Variants in SYT16 observed in about 807,000 individuals in gnomAD.
SYT16 encodes the protein synaptotagmin-16.
Under a neutral mutation model 61.4 loss-of-function variants are expected in SYT16, and 42 were observed. That is an observed-to-expected ratio of 0.68 (90% confidence interval 0.53 to 0.89). The LOEUF is 0.89. SYT16 is among the 40% of genes least tolerant of loss of function. SYT16 has a pLI of 0.00. For synonymous variants in SYT16, 314 were observed against 302.3 expected (o/e 1.04, Z -0.40); for missense variants, 804 against 807.3 (o/e 1.00, Z 0.05).
At chr14:61,983,357 T>A (rs1445678611) in intron 2 of SYT16, among the ~76,000 whole-genome samples, 2 of 152,188 alleles carry the variant, frequency 1.3e-5, no homozygotes, top group Non-Finnish European at 2.9e-5. Context: ...CAAGCTTGTG[T>A]TATTTTGGGC....
In SYT16 at chr14:61,972,940, CA is replaced by C. The variant is rs1403598084; in HGVS notation, c.-145+2631del. Among the ~76,000 whole-genome samples, 8 of 152,314 alleles carry C rather than the reference CA, an allele frequency of 5.3e-5. No individual in the cohort carries two copies. In the South Asian group the frequency reaches 1.7e-3, roughly 32 times the overall value. On this transcript the variant is annotated intron_variant, in intron 2 of 7. Coordinates refer to ENST00000683842, the MANE Select transcript of SYT16 (RefSeq NM_001367656.1). ...TGTTTGGTTCTTAGGGTTACCATAGCAACTTCTTCTCTAGCTTTCAGTCTAT... is the reference window on the plus strand; with the variant it reads ...TGTTTGGTTCTTAGGGTTACCATAGCACTTCTTCTCTAGCTTTCAGTCTAT...
intron 3 of SYT16, among the ~76,000 whole-genome samples, chr14:62,035,721 AATCTGAATTTCATGTAT>A (rs1458888864): frequency 1.3e-5 from 2 of 152,218 alleles, no homozygotes; most frequent in African/African-American, 2.4e-5. Context: ...AAGCCCATTT[AATCTGAATTTCATGTAT>A]ATCTGAATTT....
intron 3 of SYT16, among the ~76,000 whole-genome samples, chr14:62,044,277 ACTTTT>A (rs1394177947): frequency 6.6e-6 from 1 of 151,848 alleles, no homozygotes; most frequent in Non-Finnish European, 1.5e-5. Context: ...TAGAGGGTTG[ACTTTT>A]CTTTTCTTCT....
chr14:61,997,467 A>G (rs1282714031), intron 3 of SYT16, among the ~76,000 whole-genome samples: 9 of 152,012 alleles, frequency 5.9e-5, no homozygotes, highest in Admixed American at 5.9e-4. Context: ...CATGATTCCT[A>G]TTAGCTTTGT....
chr14:61,823,271 G>A (rs770417091), intron 1 of SYT16, among the ~76,000 whole-genome samples: 13 of 152,106 alleles, frequency 8.5e-5, no homozygotes, highest in Non-Finnish European at 1.6e-4. Context: ...CATTACAGGT[G>A]TGAGCCACTG....
At chr14:62,003,612 C>A (rs1187328757) in intron 3 of SYT16, among the ~76,000 whole-genome samples, 2 of 151,922 alleles carry the variant, frequency 1.3e-5, no homozygotes, top group African/African-American at 4.8e-5. Context: ...AGCATTATTT[C>A]CAACTGTCTA....
intron 1 of SYT16, among the ~76,000 whole-genome samples, chr14:61,895,264 A>C (rs1001627013): frequency 7.9e-5 from 12 of 152,172 alleles, no homozygotes; most frequent in Admixed American, 7.9e-4. Flanking sequence ...TTTTTTTAAA[A>C]AAATCAAAGT....
In SYT16 at chr14:62,101,586, A is replaced by T. The variant is rs1371640059; in HGVS notation, c.*879A>T. 6.6e-6 allele frequency: 1 copy of T among 152,190 alleles called. No homozygotes were observed. The highest frequency in any genetic ancestry group is 1.5e-5 in the Non-Finnish European group (1 of 68,022). The allele number at this position is 152,190 out of a possible 1,614,324, so 9.4% of individuals were successfully genotyped here. A position where few individuals can be genotyped will look rare whatever the true frequency, so the allele number is the denominator to read the frequency against. Reference sequence around the variant, plus strand: ...TCTATGTTCAATTATATATACTCATATATGAATATTTTGAATGTACTGCAT... The same window carrying T: ...TCTATGTTCAATTATATATACTCATTTATGAATATTTTGAATGTACTGCAT... On this transcript the variant is annotated 3_prime_UTR_variant, in exon 8 of 8. Transcript: ENST00000683842.
intron 1 of SYT16, among the ~76,000 whole-genome samples, chr14:61,890,043 C>G (rs1485517341): frequency 3.3e-5 from 5 of 152,066 alleles, no homozygotes; most frequent in Non-Finnish European, 7.3e-5. Context: ...TAAGAATAAC[C>G]TTTTATAAGT....
chr14:61,820,071 A>G (rs2045565394), intron 1 of SYT16, among the ~76,000 whole-genome samples: 1 of 152,242 alleles, frequency 6.6e-6, no homozygotes, highest in Non-Finnish European at 1.5e-5. Flanking sequence ...TGAGGAATAT[A>G]AAATTAAGAA....
At chr14:62,044,584 G>A (rs1338383398) in intron 3 of SYT16, among the ~76,000 whole-genome samples, 1 of 152,126 alleles carries the variant, frequency 6.6e-6, no homozygotes, top group Non-Finnish European at 1.5e-5. Flanking sequence ...AGTTTGCTGA[G>A]AATGATGGTT....
chr14:62,022,043 CTT>C (rs56923888), intron 3 of SYT16, among the ~76,000 whole-genome samples: 3 of 142,230 alleles, frequency 2.1e-5, no homozygotes, highest in Admixed American at 7.0e-5. Context: ...TCTTCTTTTT[CTT>C]TTTTTTTTTT....
chr14:61,859,393 G>A (rs2046896451), intron 1 of SYT16, among the ~76,000 whole-genome samples: 1 of 152,066 alleles, frequency 6.6e-6, no homozygotes, highest in Non-Finnish European at 1.5e-5. Context: ...ATTTGGGCGT[G>A]CTATGTAAAC....
chr14:61,927,236 A>T (rs896211444), intron 1 of SYT16, among the ~76,000 whole-genome samples: 2 of 152,206 alleles, frequency 1.3e-5, no homozygotes, highest in African/African-American at 4.8e-5. Context: ...CTATAAAGCT[A>T]TTCAGTGAAA....
intron 3 of SYT16, among the ~76,000 whole-genome samples, chr14:62,061,853 A>G (rs532208630): frequency 4.6e-5 from 7 of 152,158 alleles, no homozygotes; most frequent in Non-Finnish European, 7.4e-5. Flanking sequence ...AACAGCAAGT[A>G]TATATATAAT....
chr14:61,934,966 TCTTC>T (rs1301522860), intron 1 of SYT16, among the ~76,000 whole-genome samples: 4 of 152,188 alleles, frequency 2.6e-5, no homozygotes, highest in Non-Finnish European at 5.9e-5. Context: ...TTTCATTCCT[TCTTC>T]CTTTTTATTT....
intron 6 of SYT16, among the ~76,000 whole-genome samples, chr14:62,081,811 C>A (rs745769895): frequency 6.6e-6 from 1 of 152,206 alleles, no homozygotes; most frequent in Non-Finnish European, 1.5e-5. Flanking sequence ...ATGGGCAGCT[C>A]ACTACTGCTG....
chr14:62,055,288 A>T (rs193060657), intron 3 of SYT16, among the ~76,000 whole-genome samples: 19 of 152,338 alleles, frequency 1.2e-4, no homozygotes, highest in African/African-American at 4.6e-4. Flanking sequence ...GAGGCATACA[A>T]ATGAGACAGC....
chr14:62,076,214 T>G (rs1313786805), intron 5 of SYT16, among the ~76,000 whole-genome samples: 1 of 152,200 alleles, frequency 6.6e-6, no homozygotes, highest in East Asian at 1.9e-4. Flanking sequence ...AGATCCCTCC[T>G]ATCATGATTC....
Sources: gnomAD v4.1 joint callset for allele counts (sites outside exome capture counted in the v4.1 genomes callset) on GRCh38, gnomAD v4.1.1 for gene constraint, MANE v1.5 for transcripts, NCBI Gene and HGNC (gene_info 2026-07-23, HGNC 2026-07-21) for gene names.